Variants in GEN1 observed in about 807,000 individuals in gnomAD.
The protein encoded by GEN1 is GEN1 structure-specific endonuclease.
GEN1 carries 64 observed loss-of-function variants against 67.6 expected under a neutral mutation model. The observed-to-expected ratio is 0.95, with a 90% CI of 0.77 to 1.17. The LOEUF (loss-of-function observed/expected upper bound fraction) is 1.17, where lower values mean the gene tolerates loss of function less well. GEN1 is among the 50% of genes most tolerant of loss of function. The pLI, the probability that GEN1 is intolerant of heterozygous loss-of-function variation, is 0.00. For missense variants in GEN1, 1,058 were observed against 1,048.3 expected, an observed-to-expected ratio of 1.01 and a Z score of -0.13; for synonymous variants, 371 against 359.4, an observed-to-expected ratio of 1.03 and a Z score of -0.37.
chr2:17,781,166 G>A lies in GEN1; in HGVS notation c.1954G>A (p.Asp652Asn). The change falls in exon 14 of 14, where the codon GAT (aspartate) becomes AAT (asparagine). Residue 652 changes from aspartate (D) to asparagine (N), a missense_variant. Coordinates refer to ENST00000381254, the MANE Select transcript of GEN1 (RefSeq NM_001130009.3). ...AAAGAAAGTGTTGGATGAGGATTCTGATGGGATTAGTCCTGAAGAGCATCT... is the reference window on the plus strand; with the variant it reads ...AAAGAAAGTGTTGGATGAGGATTCTAATGGGATTAGTCCTGAAGAGCATCT... ...NIKKVLDEDS[D>N]GISPEEHLLS... 6.2e-7 allele frequency: 1 copy of A among 1,613,934 alleles called. No individual in the cohort carries two copies.
rs993536405 is a variant in GEN1 at position 17,771,809 on chromosome 2, G to A, written c.802+522G>A. On this transcript the variant is annotated intron_variant, in intron 7 of 13. Transcript: ENST00000381254. ...GGTTTAAAAAAAAAAAAGACACTAC[G>A]GAACACGTACTGGATCAGAAAGGCC... Among the ~76,000 whole-genome samples, 116 of 149,478 alleles carry A rather than the reference G, an allele frequency of 7.8e-4. 1 individual carries two copies. The highest frequency in any genetic ancestry group is 3.3e-4 in the Admixed American group (5 of 14,960).
In GEN1 at chr2:17,761,337, AT is replaced by A. The variant is rs775678578; in HGVS notation, c.162-55del. ...AATGTTCTTGCCTTTGTGTTATACTATTTTGACTTTTACTATCAGTGTTTGA... is the reference window on the plus strand; with the variant it reads ...AATGTTCTTGCCTTTGTGTTATACTATTTGACTTTTACTATCAGTGTTTGA... On this transcript the variant is annotated intron_variant, in intron 2 of 13. Coordinates refer to ENST00000381254, the MANE Select transcript of GEN1 (RefSeq NM_001130009.3). The A allele has an allele frequency of 5.5e-6, 5 of 907,236 alleles. No individual in the cohort carries two copies. In the South Asian group the frequency reaches 6.7e-5, roughly 12 times the overall value. 56.2% of individuals were successfully genotyped at this position (907,236 alleles called of 1,614,324 possible).
rs74432620 is a variant in GEN1 at position 17,768,669 on chromosome 2, C to A, written c.637-69C>A. 2.5e-4 allele frequency: 284 copies of A among 1,115,962 alleles called. 3 individuals are homozygous for A. The East Asian group carries it at 6.4e-3, about 25-fold the overall frequency. 69.1% of individuals were successfully genotyped at this position (1,115,962 alleles called of 1,614,324 possible). A position where few individuals can be genotyped will look rare whatever the true frequency, so the allele number is the denominator to read the frequency against. ...TCTTTCAGCTGCTGACTCTTCCGTT[C>A]AATTAATATACTTTTAACCATTCCT... On this transcript the variant is annotated intron_variant, in intron 5 of 13. Coordinates refer to ENST00000381254, the MANE Select transcript of GEN1 (RefSeq NM_001130009.3).
At chr2:17,774,009 T>G (rs1463244972) in intron 10 of GEN1, among the ~76,000 whole-genome samples, 6 of 152,148 alleles carry the variant, frequency 3.9e-5, no homozygotes, top group Non-Finnish European at 8.8e-5. Context: ...ACATTACAGA[T>G]GGTAAAACTG....
At chr2:17,771,705 T>C (rs1245213562) in intron 7 of GEN1, among the ~76,000 whole-genome samples, 1 of 151,978 alleles carries the variant, frequency 6.6e-6, no homozygotes, top group Non-Finnish European at 1.5e-5. Context: ...ATTTTGTGTG[T>C]GAAGACAGTG....
chr2:17,777,444 A>G (rs924061025), intron 11 of GEN1, among the ~76,000 whole-genome samples: 8 of 152,320 alleles, frequency 5.3e-5, no homozygotes, highest in South Asian at 2.1e-4. Flanking sequence ...AAGTAAAACT[A>G]TCAAACCAAA....
intron 6 of GEN1, 40 bp from the exon 7 acceptor site, chr2:17,771,156 C>G (rs962263801): frequency 8.4e-7 from 1 of 1,197,292 alleles, no homozygotes; most frequent in Non-Finnish European, 1.2e-6. Context: ...TTTGTGACCT[C>G]ATTTTTTTTC....
At chr2:17,754,834 A>G (rs915900323) in intron 1 of GEN1, 1 of 152,208 alleles carries the variant, frequency 6.6e-6, no homozygotes, top group Non-Finnish European at 1.5e-5. Context: ...AACCCCCTAA[A>G]TAAACGTCAG....
intron 3 of GEN1, among the ~76,000 whole-genome samples, chr2:17,762,287 C>T (rs1339496485): frequency 1.3e-5 from 2 of 149,686 alleles, no homozygotes; most frequent in Admixed American, 6.6e-5. Flanking sequence ...CTGCAAGCTC[C>T]GCCTCCTGGG....
Position 17,760,058 on chromosome 2 carries a change from C to A in GEN1, c.115C>A (p.Gln39Lys). 1 of 1,613,766 alleles carries A rather than the reference C, an allele frequency of 6.2e-7. No homozygotes were observed. Among genetic ancestry groups the A allele is most frequent in the East Asian group, 2.2e-5 (1 of 44,870 alleles). The change falls in exon 2 of 14, where the codon CAG becomes AAG. Residue 39 changes from glutamine (Q) to lysine (K), a missense_variant. Physicochemically the swap from Gln to Lys is moderately conservative, Grantham distance 53. Transcript: ENST00000381254. Reference sequence around the variant, plus strand: ...TCTGAGTCTCTGGGTGTGTGAGGCACAGACAGTCAAAAAAATGATGGGCAG... The same window carrying A: ...TCTGAGTCTCTGGGTGTGTGAGGCAAAGACAGTCAAAAAAATGATGGGCAG... ...VDLSLWVCEA[Q>K]TVKKMMGSVM...
In GEN1 at chr2:17,761,553, A is replaced by G; in HGVS notation, c.319A>G (p.Arg107Gly). Residue 107 changes from arginine to glycine, a missense_variant, in exon 3 of 14, where the codon AGA becomes GGA. By Grantham distance (125) the Arg-to-Gly change is moderately radical. Transcript: ENST00000381254. ...SGKSWSQKTG[R>G]SHFKSVLREC... ...AAAATCGTGGTCTCAGAAAACAGGG[A>G]GATCACATTTTAAATCAGTCTTAAG... 6.2e-7 allele frequency: 1 copy of G among 1,610,718 alleles called. No individual in the cohort carries two copies. The highest frequency in any genetic ancestry group is 8.5e-7 in the Non-Finnish European group (1 of 1,179,102).
At chr2:17,772,868 C>A in intron 8 of GEN1, 84 bp downstream of exon 8, 1 of 1,295,630 alleles carries the variant, frequency 7.7e-7, no homozygotes. Context: ...ATAATCTTTC[C>A]CCATATCTAG....
intron 11 of GEN1, among the ~76,000 whole-genome samples, chr2:17,776,175 TA>T (rs1254169675): frequency 6.7e-6 from 1 of 150,200 alleles, no homozygotes; most frequent in African/African-American, 2.4e-5. Flanking sequence ...GGAAACAATC[TA>T]ATGAATCCAA....
intron 11 of GEN1, among the ~76,000 whole-genome samples, chr2:17,776,952 A>C (rs1672461087): frequency 6.6e-6 from 1 of 152,048 alleles, no homozygotes; most frequent in Non-Finnish European, 1.5e-5. Context: ...TAGCGAAAAC[A>C]CCTGTCTACT....
rs779825472 is a variant in GEN1, at chr2:17,781,140, TA to T, written c.1931del (p.Lys644ArgfsTer31). ...SCESERYTANIKKVLDEDSDG... is the reference protein window; with the variant it reads ...SCESERYTANXKKVLDEDSDG... ...GAATCAGAAAGGTACACTGCAAACA[TA>T]AAGAAAGTGTTGGATGAGGATTCTG... is the stretch of plus-strand genomic sequence containing the variant. On this transcript the variant is annotated frameshift_variant, in exon 14 of 14. Coordinates refer to ENST00000381254, the MANE Select transcript of GEN1 (RefSeq NM_001130009.3). LOFTEE classifies it low-confidence loss of function (END_TRUNC). The T allele has an allele frequency of 1.9e-6, 3 of 1,613,942 alleles. No individual in the cohort carries two copies. Among genetic ancestry groups the T allele is most frequent in the Non-Finnish European group, 2.5e-6 (3 of 1,179,890 alleles).
chr2:17,784,783 A>G lies in GEN1; in HGVS notation c.*2844A>G, dbSNP rs1260469320. 1 of 152,232 alleles carries G rather than the reference A, an allele frequency of 6.6e-6. No homozygotes were observed. Among genetic ancestry groups the G allele is most frequent in the Non-Finnish European group, 1.5e-5 (1 of 68,048 alleles). The allele number at this position is 152,232 out of a possible 1,614,324, so 9.4% of individuals were successfully genotyped here. On this transcript the variant is annotated 3_prime_UTR_variant, in exon 14 of 14. Coordinates refer to ENST00000381254, the MANE Select transcript of GEN1 (RefSeq NM_001130009.3). ...GCTGTGATAGTTCAGGACCATCTAG[A>G]CCAGGTAAATAAAATATCTAGAGGC...
intron 1 of GEN1, chr2:17,754,733 T>G (rs1206989498): frequency 1.3e-5 from 2 of 152,256 alleles, no homozygotes; most frequent in Admixed American, 6.5e-5. Context: ...GTGTTAACCT[T>G]GTATTTCGGA....
chr2:17,765,992 G>C (rs1269653193), intron 4 of GEN1, among the ~76,000 whole-genome samples: 2 of 151,256 alleles, frequency 1.3e-5, no homozygotes, highest in East Asian at 3.9e-4. Flanking sequence ...TTTGTAAGAT[G>C]GAAATCTACA....
intron 1 of GEN1, among the ~76,000 whole-genome samples, chr2:17,758,322 C>T (rs550311127): frequency 2.0e-5 from 3 of 152,276 alleles, no homozygotes; most frequent in East Asian, 3.9e-4. Flanking sequence ...TAATTGTCTT[C>T]GATAGCAATC....
Sources: allele counts gnomAD v4.1 joint callset (sites outside exome capture counted in the v4.1 genomes callset), GRCh38; gene constraint gnomAD v4.1.1; transcripts MANE v1.5; gene names NCBI Gene and HGNC (gene_info 2026-07-23, HGNC 2026-07-21).